The following CLDN3 variants were observed in gnomAD, a reference collection of about 807,000 sequenced individuals.
The protein encoded by CLDN3 is claudin 3.
CLDN3 carries 6 observed loss-of-function variants against 16.3 expected under a neutral mutation model. That is an observed-to-expected ratio of 0.37 (90% CI 0.20 to 0.73). The LOEUF (loss-of-function observed/expected upper bound fraction) is 0.73. CLDN3 is among the 30% of genes least tolerant of loss of function. The pLI, the probability that CLDN3 is intolerant of heterozygous loss-of-function variation, is 0.52. For synonymous variants in CLDN3, 145 were observed against 150.1 expected (o/e 0.97, Z 0.25); for missense variants, 248 against 305.2 (o/e 0.81, Z 1.40).
In CLDN3 at chr7:73,770,177, A is replaced by G; in HGVS notation, c.-128T>C. 7.5e-7 allele frequency: 1 copy of G among 1,324,510 alleles called. No homozygotes were observed. The highest frequency in any genetic ancestry group is 3.0e-5 in the East Asian group (1 of 32,966). 82.0% of individuals were successfully genotyped at this position (1,324,510 alleles called of 1,614,324 possible). A position where few individuals can be genotyped will look rare whatever the true frequency, so the allele number is the denominator to read the frequency against. ...GACGGACGGACGGACTGACTCACCG[A>G]CGGCGCGCGCTAACGGCTCGGCTCC... On this transcript the variant is annotated 5_prime_UTR_variant, in exon 1 of 1. Transcript: ENST00000395145. This position sits in a 1 kb window ranked among gnomAD's most constrained non-coding sequence, Gnocchi z 5.7.
rs1554626760 is a variant in CLDN3, at chr7:73,769,998, G to T, written c.52C>A (p.Leu18Met). Residue 18 changes from leucine (L) to methionine (M), a missense_variant, in exon 1 of 1, where the codon CTG becomes ATG. Physicochemically the swap from Leu to Met is conservative, Grantham distance 15 (BLOSUM62 2). Transcript: ENST00000395145. The stretch of plus-strand genomic sequence containing the variant: ...AACGCGCAGCACACGATGGTGCCCA[G>T]CCAGCCCAGCACGGCCAGCGCGGTG... Reference protein sequence around the residue: ...TGTALAVLGWLGTIVCCALPM... With the variant: ...TGTALAVLGWMGTIVCCALPM... The T allele has an allele frequency of 4.3e-6, 7 of 1,611,656 alleles. No individual in the cohort carries two copies. The African/African-American group carries it at 9.3e-5, about 22-fold the overall frequency.
rs1563619216 is a variant in CLDN3, at chr7:73,769,327, GC to G, written c.*59del. ...GATGGCCTGGTGCGCGCTCCAGCTC[GC>G]GGTGGTGGTGGTGGTGTTGGTGGTG... On this transcript the variant is annotated 3_prime_UTR_variant, in exon 1 of 1. Coordinates refer to ENST00000395145, the MANE Select transcript of CLDN3 (RefSeq NM_001306.4). 1.3e-6 allele frequency: 2 copies of G among 1,536,178 alleles called. No homozygotes were observed. The highest frequency in any genetic ancestry group is 1.4e-5 in the African/African-American group (1 of 72,908).
At position 73,769,949 on chromosome 7, in the gene CLDN3, A is replaced by C; in HGVS notation, c.101T>G (p.Phe34Cys). Residue 34 changes from phenylalanine (F) to cysteine (C), a missense_variant, in exon 1 of 1, where the codon TTC becomes TGC. Transcript: ENST00000395145. The part of the protein sequence containing the change: ...CALPMWRVSA[F>C]IGSNIITSQN... ...CGACGTGATGATGTTGCTGCCGATGAAGGCCGACACGCGCCACATGGGCAA... is the reference window on the plus strand; with the variant it reads ...CGACGTGATGATGTTGCTGCCGATGCAGGCCGACACGCGCCACATGGGCAA... 6.2e-7 allele frequency: 1 copy of C among 1,613,478 alleles called. No individual in the cohort carries two copies. Among genetic ancestry groups the C allele is most frequent in the Non-Finnish European group, 8.5e-7 (1 of 1,179,936 alleles).
At position 73,769,479 on chromosome 7, in the gene CLDN3, ACTT is replaced by A. The variant is rs781967317; in HGVS notation, c.568_570del (p.Lys190del). The A allele has an allele frequency of 2.0e-5, 32 of 1,609,130 alleles. No individual in the cohort carries two copies. The South Asian group carries it at 2.6e-4, about 13-fold the overall frequency. ...GAGTAGACGACCTTGGTGGCCGTGT[ACTT>A]CTTCTCGCGTGGGGGACACGAGCAG... is the stretch of plus-strand genomic sequence containing the variant. On this transcript the variant is annotated inframe_deletion, in exon 1 of 1. Transcript: ENST00000395145.
chr7:73,769,122 C>G lies in CLDN3; in HGVS notation c.*265G>C. On this transcript the variant is annotated 3_prime_UTR_variant, in exon 1 of 1. Coordinates refer to ENST00000395145, the MANE Select transcript of CLDN3 (RefSeq NM_001306.4). ...GACGGGGTGGTCAAGTATTGGCGGT[C>G]ACCCAGGCCCCGTGCTCCAGAAGGG... The G allele has an allele frequency of 1.2e-6, 1 of 834,056 alleles. No homozygotes were observed. The highest frequency in any genetic ancestry group is 2.5e-5 in the South Asian group (1 of 39,840). 51.7% of individuals were successfully genotyped at this position (834,056 alleles called of 1,614,324 possible). A position where few individuals can be genotyped will look rare whatever the true frequency, so the allele number is the denominator to read the frequency against.
Position 73,769,215 on chromosome 7 carries a change from T to A in CLDN3, c.*172A>T. The A allele has an allele frequency of 7.0e-7, 1 of 1,420,506 alleles. No homozygotes were observed. The highest frequency in any genetic ancestry group is 9.2e-7 in the Non-Finnish European group (1 of 1,090,894). 88.0% of individuals were successfully genotyped at this position (1,420,506 alleles called of 1,614,324 possible). A position where few individuals can be genotyped will look rare whatever the true frequency, so the allele number is the denominator to read the frequency against. ...GTCGACTGCCCGGCCCGCAAAGCCGTGGCTGCTGGGGAAGCTGCCCCAGTC... is the reference window on the plus strand; with the variant it reads ...GTCGACTGCCCGGCCCGCAAAGCCGAGGCTGCTGGGGAAGCTGCCCCAGTC... On this transcript the variant is annotated 3_prime_UTR_variant, in exon 1 of 1. Transcript: ENST00000395145.
At position 73,769,146 on chromosome 7, in the gene CLDN3, G is replaced by T; in HGVS notation, c.*241C>A. ...TCACCCAGGCCCCGTGCTCCAGAAGGGTGAGGTTTCACAGTCCATGCAGGT... is the reference window on the plus strand; with the variant it reads ...TCACCCAGGCCCCGTGCTCCAGAAGTGTGAGGTTTCACAGTCCATGCAGGT... On this transcript the variant is annotated 3_prime_UTR_variant, in exon 1 of 1. Coordinates refer to ENST00000395145, the MANE Select transcript of CLDN3 (RefSeq NM_001306.4). 9.6e-7 allele frequency: 1 copy of T among 1,041,070 alleles called. No individual in the cohort carries two copies. 64.5% of individuals were successfully genotyped at this position (1,041,070 alleles called of 1,614,324 possible).
Position 73,769,827 on chromosome 7 carries a change from C to T in CLDN3, c.223G>A (p.Asp75Asn). The T allele has an allele frequency of 1.9e-6, 3 of 1,612,538 alleles. No homozygotes were observed. The highest frequency in any genetic ancestry group is 2.5e-6 in the Non-Finnish European group (3 of 1,179,900). ...ATGAGGGCGCGGGCCGCCTGAAGGT[C>T]CTGTGGCAGTGCCAGCAGCGAGTCG... ...VYDSLLALPQ[D>N]LQAARALIVV... Residue 75 changes from aspartate to asparagine, a missense_variant, in exon 1 of 1, where the codon GAC (aspartate) becomes AAC (asparagine). Coordinates refer to ENST00000395145, the MANE Select transcript of CLDN3 (RefSeq NM_001306.4).
At position 73,769,189 on chromosome 7, in the gene CLDN3, A is replaced by G. The variant is rs1787001636; in HGVS notation, c.*198T>C. On this transcript the variant is annotated 3_prime_UTR_variant, in exon 1 of 1. Coordinates refer to ENST00000395145, the MANE Select transcript of CLDN3 (RefSeq NM_001306.4). ...ATGCAGGTTGGTCCCTGGGCCCCGAAGTCGACTGCCCGGCCCGCAAAGCCG... is the reference window on the plus strand; with the variant it reads ...ATGCAGGTTGGTCCCTGGGCCCCGAGGTCGACTGCCCGGCCCGCAAAGCCG... 3 of 1,377,938 alleles carry G rather than the reference A, an allele frequency of 2.2e-6. No homozygotes were observed. In the South Asian group the frequency reaches 4.6e-5, roughly 21 times the overall value. 85.4% of individuals were successfully genotyped at this position (1,377,938 alleles called of 1,614,324 possible). A position where few individuals can be genotyped will look rare whatever the true frequency, so the allele number is the denominator to read the frequency against.
Position 73,769,190 on chromosome 7 carries a change from G to C in CLDN3, c.*197C>G, listed in dbSNP as rs543070579. 1 of 1,387,044 alleles carries C rather than the reference G, an allele frequency of 7.2e-7. No homozygotes were observed. The highest frequency in any genetic ancestry group is 1.5e-5 in the South Asian group (1 of 65,850). The allele number at this position is 1,387,044 out of a possible 1,614,324, so 85.9% of individuals were successfully genotyped here. A position where few individuals can be genotyped will look rare whatever the true frequency, so the allele number is the denominator to read the frequency against. ...TGCAGGTTGGTCCCTGGGCCCCGAA[G>C]TCGACTGCCCGGCCCGCAAAGCCGT... On this transcript the variant is annotated 3_prime_UTR_variant, in exon 1 of 1. Transcript: ENST00000395145.
chr7:73,770,085 C>T lies in CLDN3; in HGVS notation c.-36G>A. The T allele has an allele frequency of 6.9e-7, 1 of 1,452,036 alleles. No homozygotes were observed. Among genetic ancestry groups the T allele is most frequent in the East Asian group, 2.8e-5 (1 of 36,358 alleles). The allele number at this position is 1,452,036 out of a possible 1,614,324, so 89.9% of individuals were successfully genotyped here. A position where few individuals can be genotyped will look rare whatever the true frequency, so the allele number is the denominator to read the frequency against. On this transcript the variant is annotated 5_prime_UTR_variant, in exon 1 of 1. Coordinates refer to ENST00000395145, the MANE Select transcript of CLDN3 (RefSeq NM_001306.4). This position sits in a 1 kb window ranked among gnomAD's most constrained non-coding sequence, Gnocchi z 5.7. ...GCAAGGCCCGCTCCACCGGGTGGCTCCGGGTGCGGGGAGACGAGGGGCCGG... is the reference window on the plus strand; with the variant it reads ...GCAAGGCCCGCTCCACCGGGTGGCTTCGGGTGCGGGGAGACGAGGGGCCGG...
rs901356754 is a variant in CLDN3 at position 73,769,453 on chromosome 7, G to A, written c.597C>T (p.Ser199=). ...CTCCCGGGCCGGTGGAGCGCGGCGC[G>A]GAGTAGACGACCTTGGTGGCCGTGT... ...KKYTATKVVY[S]APRSTGPGAS... is the part of the protein sequence containing the mutation. The change falls in exon 1 of 1, where the codon TCC becomes TCT. Residue 199 remains serine (S), a synonymous_variant. Transcript: ENST00000395145. 6 of 1,606,440 alleles carry A rather than the reference G, an allele frequency of 3.7e-6. No individual in the cohort carries two copies. Among genetic ancestry groups the A allele is most frequent in the East Asian group, 2.2e-5 (1 of 44,876 alleles).
rs1554626679 is a variant in CLDN3, at chr7:73,769,639, C to T, written c.411G>A (p.Trp137Ter). 3.1e-6 allele frequency: 5 copies of T among 1,612,964 alleles called. No homozygotes were observed. The highest frequency in any genetic ancestry group is 1.1e-5 in the South Asian group (1 of 91,020). Residue 137 changes from tryptophan to a stop codon, truncating the protein, a stop_gained, in exon 1 of 1, where the codon TGG (tryptophan) becomes TGA (stop). Transcript: ENST00000395145. LOFTEE classifies it high-confidence loss of function. ...AGTCCCGGATAATGGTGTTGGCCGA[C>T]CAGGACACCGGCACGAGGGTGAGCA... ...AALLTLVPVS[W>*]SANTIIRDFY...
At position 73,770,128 on chromosome 7, in the gene CLDN3, G is replaced by A; in HGVS notation, c.-79C>T. 1 of 1,383,276 alleles carries A rather than the reference G, an allele frequency of 7.2e-7. No individual in the cohort carries two copies. The highest frequency in any genetic ancestry group is 2.9e-5 in the East Asian group (1 of 33,910). 85.7% of individuals were successfully genotyped at this position (1,383,276 alleles called of 1,614,324 possible). A position where few individuals can be genotyped will look rare whatever the true frequency, so the allele number is the denominator to read the frequency against. Reference sequence around the variant, plus strand: ...GGGGCCGGGGCCGCTGGGCCTGGCGGGAGCTGCGGCGCCCCGACGGACGGA... The same window carrying A: ...GGGGCCGGGGCCGCTGGGCCTGGCGAGAGCTGCGGCGCCCCGACGGACGGA... On this transcript the variant is annotated 5_prime_UTR_variant, in exon 1 of 1. Coordinates refer to ENST00000395145, the MANE Select transcript of CLDN3 (RefSeq NM_001306.4). This position sits in a 1 kb window ranked among gnomAD's most constrained non-coding sequence, Gnocchi z 5.7.
Position 73,770,086 on chromosome 7 carries a change from CG to C in CLDN3, c.-38del. 2 of 1,449,692 alleles carry C rather than the reference CG, an allele frequency of 1.4e-6. No individual in the cohort carries two copies. The highest frequency in any genetic ancestry group is 1.5e-5 in the African/African-American group (1 of 68,410). The allele number at this position is 1,449,692 out of a possible 1,614,324, so 89.8% of individuals were successfully genotyped here. A position where few individuals can be genotyped will look rare whatever the true frequency, so the allele number is the denominator to read the frequency against. ...CAAGGCCCGCTCCACCGGGTGGCTC[CG>C]GGTGCGGGGAGACGAGGGGCCGGGG... On this transcript the variant is annotated 5_prime_UTR_variant, in exon 1 of 1. Coordinates refer to ENST00000395145, the MANE Select transcript of CLDN3 (RefSeq NM_001306.4). This position sits in a 1 kb window ranked among gnomAD's most constrained non-coding sequence, Gnocchi z 5.7.
In CLDN3 at chr7:73,769,115, T is replaced by G. The variant is rs1786999266; in HGVS notation, c.*272A>C. On this transcript the variant is annotated 3_prime_UTR_variant, in exon 1 of 1. Coordinates refer to ENST00000395145, the MANE Select transcript of CLDN3 (RefSeq NM_001306.4). Reference sequence around the variant, plus strand: ...GGGGCTCGACGGGGTGGTCAAGTATTGGCGGTCACCCAGGCCCCGTGCTCC... The same window carrying G: ...GGGGCTCGACGGGGTGGTCAAGTATGGGCGGTCACCCAGGCCCCGTGCTCC... The G allele has an allele frequency of 1.4e-5, 11 of 773,916 alleles. No individual in the cohort carries two copies. The South Asian group carries it at 2.3e-4, about 16-fold the overall frequency. The allele number at this position is 773,916 out of a possible 1,614,324, so 47.9% of individuals were successfully genotyped here.
In CLDN3 at chr7:73,770,006, A is replaced by G. The variant is rs781999702; in HGVS notation, c.44T>C (p.Leu15Pro). 6.2e-7 allele frequency: 1 copy of G among 1,609,294 alleles called. No individual in the cohort carries two copies. Among genetic ancestry groups the G allele is most frequent in the East Asian group, 2.2e-5 (1 of 44,752 alleles). Reference protein sequence around the residue: ...LEITGTALAVLGWLGTIVCCA... With the variant: ...LEITGTALAVPGWLGTIVCCA... ...GCACACGATGGTGCCCAGCCAGCCC[A>G]GCACGGCCAGCGCGGTGCCCGTGAT... is the stretch of plus-strand genomic sequence containing the variant. The change falls in exon 1 of 1, where the codon CTG becomes CCG. Residue 15 changes from leucine (L) to proline (P), a missense_variant. Transcript: ENST00000395145. The surrounding 1 kb of genome is among the most constrained non-coding windows in gnomAD (Gnocchi z 5.7).
chr7:73,769,567 C>T lies in CLDN3; in HGVS notation c.483G>A (p.Ala161=). Reference sequence around the variant, plus strand: ...CGGCCGCCCAGCCCACGTACAGGCCCGCGCCCATCTCGCGCTTCTGCGCCT... The same window carrying T: ...CGGCCGCCCAGCCCACGTACAGGCCTGCGCCCATCTCGCGCTTCTGCGCCT... The part of the protein sequence containing the change: ...VPEAQKREMG[A]GLYVGWAAAA... Residue 161 remains alanine, a synonymous_variant, in exon 1 of 1, where the codon GCG becomes GCA. Transcript: ENST00000395145. The T allele has an allele frequency of 6.2e-7, 1 of 1,603,522 alleles. No individual in the cohort carries two copies. Among genetic ancestry groups the T allele is most frequent in the Non-Finnish European group, 8.5e-7 (1 of 1,174,986 alleles).
Position 73,770,197 on chromosome 7 carries a change from G to A in CLDN3, c.-148C>T. The A allele has an allele frequency of 8.3e-7, 1 of 1,204,158 alleles. No individual in the cohort carries two copies. Among genetic ancestry groups the A allele is most frequent in the Non-Finnish European group, 1.1e-6 (1 of 925,462 alleles). 74.6% of individuals were successfully genotyped at this position (1,204,158 alleles called of 1,614,324 possible). Reference sequence around the variant, plus strand: ...CACCGACGGCGCGCGCTAACGGCTCGGCTCCATACGCTCTCGCCGCGGCTG... The same window carrying A: ...CACCGACGGCGCGCGCTAACGGCTCAGCTCCATACGCTCTCGCCGCGGCTG... On this transcript the variant is annotated 5_prime_UTR_variant, in exon 1 of 1. Transcript: ENST00000395145. The surrounding 1 kb of genome is among the most constrained non-coding windows in gnomAD (Gnocchi z 5.7).
Sources: gnomAD v4.1 joint callset for allele counts on GRCh38, gnomAD v4.1.1 for gene constraint, Gnocchi (gnomAD v3.1) non-coding constraint, MANE v1.5 for transcripts, NCBI Gene and HGNC (gene_info 2026-07-23, HGNC 2026-07-21) for gene names.